NBPF11: variants seen among roughly 807,000 people sequenced by gnomAD.
NBPF11 encodes the protein NBPF member 11.
Under a neutral mutation model 93.9 loss-of-function variants are expected in NBPF11, and 72 were observed. The ratio of observed to expected loss-of-function variants is 0.77; its 90% CI spans 0.63 to 0.93. The LOEUF (loss-of-function observed/expected upper bound fraction) is 0.93. NBPF11 is among the 40% of genes least tolerant of loss of function. NBPF11 has a pLI of 0.00. For missense variants in NBPF11, 705 were observed against 802.2 expected (o/e 0.88, Z 1.46); for synonymous variants, 224 against 304.9 (o/e 0.73, Z 2.76).
intron 1 of NBPF11, among the ~76,000 whole-genome samples, chr1:148,149,788 T>TTA (rs1172337985): frequency 1.5e-5 from 2 of 136,574 alleles, no homozygotes; most frequent in Admixed American, 7.1e-5. Flanking sequence ...GATTTAAAAT[T>TTA]AAAAAAAAAA....
At chr1:148,147,601 T>A (rs1359032641) in intron 1 of NBPF11, among the ~76,000 whole-genome samples, 1 of 151,992 alleles carries the variant, frequency 6.6e-6, no homozygotes, top group Non-Finnish European at 1.5e-5. Context: ...ACTGGGCCTG[T>A]CTCGTCCTGG....
intron 15 of NBPF11, among the ~76,000 whole-genome samples, chr1:148,112,193 G>A (rs1425182827): frequency 6.8e-6 from 1 of 147,164 alleles, no homozygotes; most frequent in Non-Finnish European, 1.5e-5. Context: ...TAGGGTACAC[G>A]TGCACAACGT....
At position 148,152,223 on chromosome 1, in the gene NBPF11, TAA is replaced by T. The variant is rs1648565861; in HGVS notation, c.-1024_-1023del. 6.6e-6 allele frequency: 1 copy of T among 152,128 alleles called. No individual in the cohort carries two copies. Among genetic ancestry groups the T allele is most frequent in the Non-Finnish European group, 1.5e-5 (1 of 68,142 alleles). 9.4% of individuals were successfully genotyped at this position (152,128 alleles called of 1,614,324 possible). On this transcript the variant is annotated 5_prime_UTR_variant, in exon 1 of 24. Coordinates refer to ENST00000682118, the MANE Select transcript of NBPF11 (RefSeq NM_001385469.3). ...GCCACTTGAACCGCCCCTGCCAGGT[TAA>T]AGAGGCGGGAGACACACCCCCTCGG... is the stretch of plus-strand genomic sequence containing the variant.
At chr1:148,125,844 C>T (rs1668982825) in intron 5 of NBPF11, among the ~76,000 whole-genome samples, 1 of 151,880 alleles carries the variant, frequency 6.6e-6, no homozygotes, top group Non-Finnish European at 1.5e-5. Flanking sequence ...AGGAGACAGG[C>T]TGAGGGTCCC....
rs1239176708 is a variant in NBPF11, at chr1:148,110,358, C to T, written c.1801+20G>A. On this transcript the variant is annotated intron_variant, in intron 16 of 23. Transcript: ENST00000682118. ...GGGCCATGAACTGGAGCTTTATCAC[C>T]TTCACAATGGAGTACTCACTGCCTA... is the stretch of plus-strand genomic sequence containing the variant. The T allele has an allele frequency of 1.1e-5, 18 of 1,569,840 alleles. 1 individual carries two copies. The highest frequency in any genetic ancestry group is 2.3e-4 in the Middle Eastern group (1 of 4,384).
rs1269196991 is a variant in NBPF11, at chr1:148,118,547, C to G, written c.1091+73G>C. ...CCCTGGCCCAGCTTAGCTCTTACGT[C>G]TCCCCACTGAGCTACTGTACTTCAG... On this transcript the variant is annotated intron_variant, in intron 11 of 23. Coordinates refer to ENST00000682118, the MANE Select transcript of NBPF11 (RefSeq NM_001385469.3). 6 of 1,465,188 alleles carry G rather than the reference C, an allele frequency of 4.1e-6. No homozygotes were observed. In the African/African-American group the frequency reaches 8.3e-5, roughly 20 times the overall value. 90.8% of individuals were successfully genotyped at this position (1,465,188 alleles called of 1,614,324 possible).
chr1:148,151,265 A>G (rs1648241030), intron 1 of NBPF11, among the ~76,000 whole-genome samples: 1 of 151,962 alleles, frequency 6.6e-6, no homozygotes, highest in African/African-American at 2.4e-5. Context: ...CCTCACATGC[A>G]TCCTGGACCT....
intron 4 of NBPF11, among the ~76,000 whole-genome samples, chr1:148,127,831 T>C (rs1422743458): frequency 6.7e-6 from 1 of 150,184 alleles, no homozygotes; most frequent in Non-Finnish European, 1.5e-5. Context: ...TTTTTTTTTG[T>C]ATTTTTAGTA....
At chr1:148,114,311 A>C in intron 15 of NBPF11, 126 bp downstream of exon 15, 1 of 720,782 alleles carries the variant, frequency 1.4e-6, no homozygotes, top group South Asian at 1.5e-5. Flanking sequence ...CAACATTGTA[A>C]ATCAGCACAA....
chr1:148,130,823 A>G (rs1195827765), intron 4 of NBPF11, among the ~76,000 whole-genome samples: 26 of 152,010 alleles, frequency 1.7e-4, no homozygotes, highest in Non-Finnish European at 2.6e-4. Flanking sequence ...CTCAGCCCCA[A>G]GGAGCCACTG....
chr1:148,137,367 G>C (rs1397144773), intron 3 of NBPF11, among the ~76,000 whole-genome samples: 5 of 151,780 alleles, frequency 3.3e-5, no homozygotes, highest in Non-Finnish European at 7.4e-5. Context: ...CACAGAAAAA[G>C]GGCCCTCAGT....
chr1:148,136,633 C>A (rs1229991773), intron 3 of NBPF11, among the ~76,000 whole-genome samples: 1 of 151,990 alleles, frequency 6.6e-6, no homozygotes, highest in Non-Finnish European at 1.5e-5. Flanking sequence ...GAAACTCCTG[C>A]GGGATTTTGC....
At chr1:148,151,616 C>T (rs1290089108) in intron 1 of NBPF11, 134 bp downstream of exon 1, 5 of 152,212 alleles carry the variant, frequency 3.3e-5, no homozygotes, top group African/African-American at 7.3e-5. Flanking sequence ...CCCTGCGGAG[C>T]CCGGCAGTGC....
intron 12 of NBPF11, among the ~76,000 whole-genome samples, chr1:148,116,975 T>G (rs1475419640): frequency 6.6e-6 from 1 of 152,204 alleles, no homozygotes; most frequent in African/African-American, 2.4e-5. Flanking sequence ...GCTTCTGCTG[T>G]GTTATTCAGG....
intron 15 of NBPF11, among the ~76,000 whole-genome samples, chr1:148,113,171 T>A (rs1284009465): frequency 3.3e-5 from 5 of 151,926 alleles, no homozygotes; most frequent in African/African-American, 1.2e-4. Flanking sequence ...AAACACAGAA[T>A]GGCAAATTGG....
chr1:148,135,965 T>C (rs1202535770), intron 3 of NBPF11, among the ~76,000 whole-genome samples, 152 bp from the exon 4 acceptor site: 1 of 152,022 alleles, frequency 6.6e-6, no homozygotes, highest in Non-Finnish European at 1.5e-5. Flanking sequence ...ATGATTAAAC[T>C]CCTTCCTGAA....
Position 148,150,511 on chromosome 1 carries a change from G to GAA in NBPF11, c.-549+1237_-549+1238dup, listed in dbSNP as rs563519266. On this transcript the variant is annotated intron_variant, in intron 1 of 23. Coordinates refer to ENST00000682118, the MANE Select transcript of NBPF11 (RefSeq NM_001385469.3). The stretch of plus-strand genomic sequence containing the variant: ...ATCTTAAAGCTAGCATTTTAGAATA[G>GAA]AAAAAAAAAAGAGCTTTTGGTTCAC... Among the ~76,000 whole-genome samples, 312 of 145,428 alleles carry GAA rather than the reference G, an allele frequency of 2.1e-3. 4 individuals are homozygous for GAA. Among genetic ancestry groups the GAA allele is most frequent in the South Asian group, 8.4e-3 (39 of 4,650 alleles).
rs1464467855 is a variant in NBPF11, at chr1:148,122,413, C to A, written c.567-147G>T. The A allele has an allele frequency of 8.4e-4, 1,168 of 1,387,304 alleles. 28 individuals are homozygous for A. In the African/African-American group the frequency reaches 0.013, roughly 15 times the overall value. The allele number at this position is 1,387,304 out of a possible 1,614,324, so 85.9% of individuals were successfully genotyped here. A position where few individuals can be genotyped will look rare whatever the true frequency, so the allele number is the denominator to read the frequency against. The stretch of plus-strand genomic sequence containing the variant: ...TTCCCTTTAAGAGGGAACAGGCAAT[C>A]CTCTTCTCTCTGCAACAGAGCTTCG... On this transcript the variant is annotated intron_variant, in intron 8 of 23. Coordinates refer to ENST00000682118, the MANE Select transcript of NBPF11 (RefSeq NM_001385469.3).
intron 1 of NBPF11, among the ~76,000 whole-genome samples, chr1:148,144,526 A>G (rs1672687149): frequency 6.6e-6 from 1 of 152,016 alleles, no homozygotes; most frequent in South Asian, 2.1e-4. Context: ...GGTGAATAAA[A>G]GAAACAAAAT....
Sources: allele counts gnomAD v4.1 joint callset (sites outside exome capture counted in the v4.1 genomes callset), GRCh38; gene constraint gnomAD v4.1.1; transcripts MANE v1.5; gene names NCBI Gene and HGNC (gene_info 2026-07-23, HGNC 2026-07-21).